Variants in KDM4C observed in about 807,000 individuals in gnomAD.
KDM4C encodes lysine-specific demethylase 4C.
KDM4C carries 81 observed loss-of-function variants against 129.3 expected under a neutral mutation model. That is an observed-to-expected ratio of 0.63 (90% CI 0.52 to 0.75). The LOEUF is 0.75. Ranked by LOEUF, KDM4C falls within the 30% of genes least tolerant of loss-of-function variation. The pLI, the probability that KDM4C is intolerant of heterozygous loss-of-function variation, is 0.00. For missense variants in KDM4C, 1,457 were observed against 1,304.0 expected (o/e 1.12, Z -1.81); for synonymous variants, 573 against 456.1 (o/e 1.26, Z -3.26).
At chr9:7,118,531 C>T (rs537281789) in intron 18 of KDM4C, among the ~76,000 whole-genome samples, 11 of 152,154 alleles carry the variant, frequency 7.2e-5, no homozygotes, top group African/African-American at 2.6e-4. Context: ...TATTGCAATC[C>T]TTGTAGAAAT....
chr9:6,880,109 T>C (rs1844206880), intron 6 of KDM4C, 48 bp downstream of exon 6: 2 of 1,258,214 alleles, frequency 1.6e-6, no homozygotes, highest in Non-Finnish European at 2.3e-6. Flanking sequence ...TATGTTTCTG[T>C]GTTTTGTAGG....
chr9:6,860,504 A>C (rs1840725657), intron 5 of KDM4C, among the ~76,000 whole-genome samples: 1 of 152,222 alleles, frequency 6.6e-6, no homozygotes, highest in Non-Finnish European at 1.5e-5. Flanking sequence ...ATAAATAACT[A>C]CTGGGTACTA....
At chr9:7,166,340 T>C (rs995555209) in intron 20 of KDM4C, among the ~76,000 whole-genome samples, 1 of 152,318 alleles carries the variant, frequency 6.6e-6, no homozygotes, top group African/African-American at 2.4e-5. Flanking sequence ...ACAGTGTAAT[T>C]AAAGGTGTTC....
At chr9:7,056,141 G>A (rs1031096114) in intron 17 of KDM4C, among the ~76,000 whole-genome samples, 14 of 152,128 alleles carry the variant, frequency 9.2e-5, no homozygotes, top group African/African-American at 3.4e-4. Context: ...TAGTGTTAAT[G>A]TGCACAAAAA....
At chr9:6,852,046 G>GT (rs1395786096) in intron 5 of KDM4C, among the ~76,000 whole-genome samples, 1 of 152,130 alleles carries the variant, frequency 6.6e-6, no homozygotes, top group East Asian at 1.9e-4. Flanking sequence ...GTAGTAGTGA[G>GT]TTGTAACACT....
chr9:7,018,971 A>G lies in KDM4C; in HGVS notation c.2259+3042A>G, dbSNP rs960361786. On this transcript the variant is annotated intron_variant, in intron 15 of 21. Coordinates refer to ENST00000381309, the MANE Select transcript of KDM4C (RefSeq NM_015061.6). ...AATATAACATTACAATGATTTTTAG[A>G]CCTACATAATTTATTTCTACCTGTA... Among the ~76,000 whole-genome samples, 3 of 152,138 alleles carry G rather than the reference A, an allele frequency of 2.0e-5. No homozygotes were observed. The South Asian group carries it at 6.2e-4, about 32-fold the overall frequency.
intron 17 of KDM4C, among the ~76,000 whole-genome samples, chr9:7,067,118 T>C (rs1587404714): frequency 6.6e-6 from 1 of 152,234 alleles, no homozygotes; most frequent in East Asian, 1.9e-4. Context: ...ACTGAATATA[T>C]GTGCATTTTC....
intron 5 of KDM4C, among the ~76,000 whole-genome samples, chr9:6,853,729 T>C (rs1839268288): frequency 6.6e-6 from 1 of 152,190 alleles, no homozygotes; most frequent in Non-Finnish European, 1.5e-5. Context: ...AGTAAGCAGA[T>C]AGAAAACTGC....
intron 15 of KDM4C, among the ~76,000 whole-genome samples, chr9:7,022,430 C>G (rs1213569404): frequency 1.3e-5 from 2 of 151,956 alleles, no homozygotes; most frequent in African/African-American, 4.8e-5. Context: ...AATGGGATTA[C>G]TTTCTTGATT....
chr9:7,025,100 T>C (rs557794418), intron 15 of KDM4C, among the ~76,000 whole-genome samples: 128 of 152,368 alleles, frequency 8.4e-4, no homozygotes, highest in Middle Eastern at 3.4e-3. Flanking sequence ...GACCTCTTTA[T>C]TATTATATAG....
intron 1 of KDM4C, chr9:6,734,917 G>A (rs367781172): frequency 7.0e-6 from 4 of 573,992 alleles, no homozygotes; most frequent in African/African-American, 3.8e-5. Context: ...TCTGTGCTAA[G>A]TCTGTGGCTG....
chr9:6,876,475 A>G (rs933893968), intron 5 of KDM4C, among the ~76,000 whole-genome samples: 1 of 152,146 alleles, frequency 6.6e-6, no homozygotes, highest in Non-Finnish European at 1.5e-5. Context: ...GGTGCTTTCC[A>G]GTTCTTGTTT....
chr9:7,002,333 A>G (rs1228174776), intron 12 of KDM4C, among the ~76,000 whole-genome samples: 1 of 152,190 alleles, frequency 6.6e-6, no homozygotes, highest in Non-Finnish European at 1.5e-5. Context: ...TAAATTGACA[A>G]TTTATAATTG....
At chr9:6,933,740 T>C (rs1824186348) in intron 8 of KDM4C, among the ~76,000 whole-genome samples, 1 of 152,198 alleles carries the variant, frequency 6.6e-6, no homozygotes, top group Non-Finnish European at 1.5e-5. Context: ...ACATGGAGGT[T>C]TGGCAATGAA....
At chr9:6,746,297 C>T (rs1479152755) in intron 1 of KDM4C, among the ~76,000 whole-genome samples, 3 of 105,430 alleles carry the variant, frequency 2.8e-5, no homozygotes, top group Non-Finnish European at 5.3e-5. Context: ...GAGACCGAGT[C>T]TTGCTCTGTC....
chr9:6,981,325 T>C (rs1816731042), intron 9 of KDM4C, among the ~76,000 whole-genome samples: 1 of 152,242 alleles, frequency 6.6e-6, no homozygotes, highest in Admixed American at 6.5e-5. Flanking sequence ...TTTGAGAATA[T>C]TCCTGAAGTT....
At chr9:6,765,403 C>G (rs1820415624) in intron 1 of KDM4C, among the ~76,000 whole-genome samples, 1 of 152,184 alleles carries the variant, frequency 6.6e-6, no homozygotes, top group Non-Finnish European at 1.5e-5. Flanking sequence ...TTTCTCTTCT[C>G]TGATTAAATC....
At chr9:7,087,869 C>T (rs1835321209) in intron 17 of KDM4C, among the ~76,000 whole-genome samples, 1 of 152,110 alleles carries the variant, frequency 6.6e-6, no homozygotes, top group African/African-American at 2.4e-5. Context: ...AATTTTGTGT[C>T]CACTTAAAAT....
intron 1 of KDM4C, among the ~76,000 whole-genome samples, chr9:6,760,024 A>T (rs1819098388): frequency 4.0e-5 from 6 of 151,884 alleles, no homozygotes; most frequent in Admixed American, 3.9e-4. Context: ...AGTCTTGTGC[A>T]ACCATCACCA....
Sources: gnomAD v4.1 joint callset for allele counts (sites outside exome capture counted in the v4.1 genomes callset) on GRCh38, gnomAD v4.1.1 for gene constraint, MANE v1.5 for transcripts, NCBI Gene and HGNC (gene_info 2026-07-23, HGNC 2026-07-21) for gene names.